The following DAAM1 variants were observed in gnomAD, a reference collection of about 807,000 sequenced individuals.
The protein encoded by DAAM1 is disheveled-associated activator of morphogenesis 1.
Under a neutral mutation model 130.0 loss-of-function variants are expected in DAAM1, and 52 were observed. The ratio of observed to expected loss-of-function variants is 0.40; its 90% CI spans 0.32 to 0.50. DAAM1 has a LOEUF of 0.50. Ranked by LOEUF, DAAM1 falls within the 20% of genes least tolerant of loss-of-function variation. The pLI is 0.61. For synonymous variants in DAAM1, 452 were observed against 444.5 expected (o/e 1.02, Z -0.21); for missense variants, 1,134 against 1,303.8 (o/e 0.87, Z 2.01).
chr14:59,239,907 G>C (rs892353917), intron 1 of DAAM1, among the ~76,000 whole-genome samples: 3 of 152,178 alleles, frequency 2.0e-5, no homozygotes, highest in Non-Finnish European at 2.9e-5. Flanking sequence ...TCCAAGGAAT[G>C]ATTCCCTGAT....
intron 1 of DAAM1, among the ~76,000 whole-genome samples, chr14:59,237,459 T>C (rs1327319747): frequency 1.3e-5 from 2 of 152,128 alleles, no homozygotes. Context: ...AGCTAAACAA[T>C]ATAGGATTGC....
intron 17 of DAAM1, 67 bp downstream of exon 17, chr14:59,347,690 G>C: frequency 1.4e-6 from 2 of 1,454,182 alleles, no homozygotes; most frequent in Non-Finnish European, 1.9e-6. Context: ...GGGATGTTGA[G>C]AACATCCGGT....
intron 2 of DAAM1, among the ~76,000 whole-genome samples, chr14:59,289,769 T>TATATATATATATATATATATATATATAC (rs1160677661): frequency 1.7e-5 from 1 of 60,138 alleles, no homozygotes; most frequent in Admixed American, 1.6e-4. Context: ...CAAAATGTGA[T>TATATATATATATATATATATATATATAC]ATATATATAT....
chr14:59,315,191 A>T, intron 3 of DAAM1, 89 bp from the exon 4 acceptor site: 1 of 1,163,080 alleles, frequency 8.6e-7, no homozygotes, highest in Non-Finnish European at 1.3e-6. Context: ...TGAGTGGGTC[A>T]TTGTCTGGGT....
At chr14:59,229,314 T>A (rs1889034306) in intron 1 of DAAM1, among the ~76,000 whole-genome samples, 1 of 152,226 alleles carries the variant, frequency 6.6e-6, no homozygotes, top group South Asian at 2.1e-4. Flanking sequence ...AGTTGTTACC[T>A]CTTTAGTCCT....
At chr14:59,200,176 A>G (rs1031878036) in intron 1 of DAAM1, among the ~76,000 whole-genome samples, 1 of 152,148 alleles carries the variant, frequency 6.6e-6, no homozygotes, top group Non-Finnish European at 1.5e-5. Context: ...TTTGGTCACA[A>G]CAGGAGACTT....
chr14:59,342,688 G>A (rs1885896547), intron 16 of DAAM1, among the ~76,000 whole-genome samples: 1 of 152,160 alleles, frequency 6.6e-6, no homozygotes, highest in African/African-American at 2.4e-5. Context: ...ATGGCTAATT[G>A]GAGAAGAAAA....
At chr14:59,240,078 C>T (rs1594774585) in intron 1 of DAAM1, among the ~76,000 whole-genome samples, 1 of 152,022 alleles carries the variant, frequency 6.6e-6, no homozygotes, top group East Asian at 1.9e-4. Context: ...ATTTATGGCT[C>T]GATTTTTCAG....
intron 1 of DAAM1, among the ~76,000 whole-genome samples, chr14:59,262,652 TAGTGTGTGTG>T (rs1413212558): frequency 8.6e-6 from 1 of 116,476 alleles, no homozygotes; most frequent in East Asian, 2.4e-4. Flanking sequence ...AATATTCTAT[TAGTGTGTGTG>T]TGTGTGTGTG....
At chr14:59,271,467 G>C (rs1002417322) in intron 2 of DAAM1, among the ~76,000 whole-genome samples, 6 of 151,628 alleles carry the variant, frequency 4.0e-5, no homozygotes, top group African/African-American at 1.5e-4. Context: ...GAGAAATGAA[G>C]GTAGGAGAAA....
At chr14:59,353,605 C>G (rs188217928) in intron 18 of DAAM1, among the ~76,000 whole-genome samples, 2 of 152,254 alleles carry the variant, frequency 1.3e-5, no homozygotes, top group African/African-American at 2.4e-5. Context: ...CAGCAGGCTC[C>G]CACTTTCTTT....
intron 16 of DAAM1, among the ~76,000 whole-genome samples, chr14:59,344,951 A>AT (rs113522024): frequency 0.2 from 29,266 of 149,174 alleles, 4,623 homozygotes; most frequent in African/African-American, 0.44. Context: ...CACAGAACTA[A>AT]TTTTTTTTTT....
intron 15 of DAAM1, among the ~76,000 whole-genome samples, chr14:59,337,958 A>C (rs900108669): frequency 2.0e-5 from 3 of 152,164 alleles, no homozygotes; most frequent in Non-Finnish European, 2.9e-5. Flanking sequence ...TGGTTTTCCT[A>C]TTAACAGTAG....
intron 3 of DAAM1, among the ~76,000 whole-genome samples, chr14:59,292,678 G>C (rs1883797168): frequency 1.3e-5 from 2 of 152,178 alleles, no homozygotes; most frequent in Non-Finnish European, 2.9e-5. Flanking sequence ...AATTTTAATT[G>C]GTAGAACTAT....
chr14:59,352,648 C>T lies in DAAM1; in HGVS notation c.2267+16C>T. On this transcript the variant is annotated intron_variant, in intron 18 of 24. Transcript: ENST00000360909. ...AGATGAGCCGGTGAGTTTGAAAATGCTGGGAATGTGAAGATGTCACTTCCC... is the reference window on the plus strand; with the variant it reads ...AGATGAGCCGGTGAGTTTGAAAATGTTGGGAATGTGAAGATGTCACTTCCC... The T allele has an allele frequency of 6.2e-7, 1 of 1,601,726 alleles. No homozygotes were observed. The highest frequency in any genetic ancestry group is 1.1e-5 in the South Asian group (1 of 89,096).
intron 1 of DAAM1, among the ~76,000 whole-genome samples, chr14:59,259,393 C>T (rs545544407): frequency 2.6e-5 from 4 of 152,310 alleles, no homozygotes; most frequent in Middle Eastern, 3.4e-3. Context: ...GCTTTGAAGG[C>T]TGAATGTGGG....
At chr14:59,247,183 A>C (rs1273457190) in intron 1 of DAAM1, among the ~76,000 whole-genome samples, 2 of 152,152 alleles carry the variant, frequency 1.3e-5, no homozygotes, top group Non-Finnish European at 2.9e-5. Flanking sequence ...TCCCTTGTCA[A>C]AGATCATTTA....
chr14:59,224,136 G>C (rs1239381108), intron 1 of DAAM1, among the ~76,000 whole-genome samples: 1 of 152,210 alleles, frequency 6.6e-6, no homozygotes, highest in Non-Finnish European at 1.5e-5. Context: ...CTTGTGGACA[G>C]GTATGGAGAA....
intron 1 of DAAM1, among the ~76,000 whole-genome samples, chr14:59,201,160 CA>C (rs71111617): frequency 0.23 from 15,999 of 68,696 alleles, 350 homozygotes; most frequent in African/African-American, 0.28. Context: ...GACTCCGTCT[CA>C]AAAAAAAAAA....
Sources: allele counts gnomAD v4.1 joint callset (sites outside exome capture counted in the v4.1 genomes callset), GRCh38; gene constraint gnomAD v4.1.1; transcripts MANE v1.5; gene names NCBI Gene and HGNC (gene_info 2026-07-23, HGNC 2026-07-21).